The following VPS50 variants were observed in gnomAD, a reference collection of about 807,000 sequenced individuals.
VPS50 encodes VPS50 subunit of EARP/GARPII complex.
VPS50 carries 70 observed loss-of-function variants against 139.7 expected under a neutral mutation model. That is an observed-to-expected ratio of 0.50 (90% CI 0.41 to 0.61). The LOEUF is 0.61. Ranked by LOEUF, VPS50 falls within the 20% of genes least tolerant of loss-of-function variation. VPS50 has a pLI of 0.00. For synonymous variants in VPS50, 365 were observed against 376.7 expected (o/e 0.97, Z 0.36); for missense variants, 921 against 1,133.7 (o/e 0.81, Z 2.69).
At chr7:93,342,381 GGC>G (rs1276133790) in intron 23 of VPS50, among the ~76,000 whole-genome samples, 2 of 152,318 alleles carry the variant, frequency 1.3e-5, no homozygotes, top group East Asian at 3.9e-4. Flanking sequence ...CAAACTGCAA[GGC>G]GGCAGTGACG....
At position 93,358,658 on chromosome 7, in the gene VPS50, A is replaced by T. The variant is rs985628865; in HGVS notation, c.*222A>T. On this transcript the variant is annotated 3_prime_UTR_variant, in exon 28 of 28. Coordinates refer to ENST00000305866, the MANE Select transcript of VPS50 (RefSeq NM_017667.4). The stretch of plus-strand genomic sequence containing the variant: ...GTCTCATTTGTTGTAATCTGAAATG[A>T]TGTTGCCGCCTTGTCATAACAATGG... 4.9e-6 allele frequency: 2 copies of T among 408,178 alleles called. No homozygotes were observed. Among genetic ancestry groups the T allele is most frequent in the Non-Finnish European group, 9.0e-6 (2 of 222,478 alleles). 25.3% of individuals were successfully genotyped at this position (408,178 alleles called of 1,614,324 possible).
At chr7:93,344,983 G>C (rs982847870) in intron 23 of VPS50, among the ~76,000 whole-genome samples, 137 of 152,092 alleles carry the variant, frequency 9.0e-4, no homozygotes, top group African/African-American at 2.8e-3. Context: ...AAAATCAGAG[G>C]AGAACTGAAG....
At chr7:93,254,630 C>T (rs903345665) in intron 4 of VPS50, among the ~76,000 whole-genome samples, 2 of 152,154 alleles carry the variant, frequency 1.3e-5, no homozygotes. Flanking sequence ...GAATTGTAGT[C>T]ACTAATTATG....
intron 23 of VPS50, among the ~76,000 whole-genome samples, chr7:93,344,282 A>C (rs1026607609): frequency 2.6e-5 from 4 of 152,232 alleles, no homozygotes; most frequent in Non-Finnish European, 2.9e-5. Flanking sequence ...AAAGCTAACT[A>C]TCCTAAATAT....
In VPS50 at chr7:93,266,315, C is replaced by T. The variant is rs143883860; in HGVS notation, c.660-4905C>T. On this transcript the variant is annotated intron_variant, in intron 9 of 27. Coordinates refer to ENST00000305866, the MANE Select transcript of VPS50 (RefSeq NM_017667.4). ...GAAGCAACCCTTTCTATCTGGCCCA[C>T]CTTTATGTAGGAAACTGATGCCCAG... is the stretch of plus-strand genomic sequence containing the variant. 1.7e-4 allele frequency among the ~76,000 whole-genome samples: 26 copies of T among 152,240 alleles called. No homozygotes were observed. In the East Asian group the frequency reaches 5.0e-3, roughly 29 times the overall value.
intron 27 of VPS50, among the ~76,000 whole-genome samples, chr7:93,357,603 A>G (rs1798742617): frequency 6.6e-6 from 1 of 152,158 alleles, no homozygotes. Context: ...TACCTTCAAT[A>G]AAGACACATT....
At chr7:93,296,950 T>C (rs1368820632) in intron 15 of VPS50, 114 bp downstream of exon 15, 3 of 1,434,380 alleles carry the variant, frequency 2.1e-6, no homozygotes, top group Non-Finnish European at 2.7e-6. Flanking sequence ...TAATTTTTGC[T>C]GCTAAGTTTG....
At chr7:93,297,568 G>A (rs982168189) in intron 16 of VPS50, among the ~76,000 whole-genome samples, 3 of 152,098 alleles carry the variant, frequency 2.0e-5, no homozygotes, top group Non-Finnish European at 4.4e-5. Flanking sequence ...ATATGGGTGT[G>A]CTTATAAGGA....
chr7:93,335,303 C>T (rs1022146767), intron 22 of VPS50, among the ~76,000 whole-genome samples: 18 of 152,200 alleles, frequency 1.2e-4, no homozygotes, highest in African/African-American at 4.1e-4. Context: ...CTCAGGTGAG[C>T]GCTGTTTGGG....
chr7:93,232,577 G>C, intron 1 of VPS50, 77 bp downstream of exon 1: 1 of 1,270,098 alleles, frequency 7.9e-7, no homozygotes, highest in Non-Finnish European at 1.1e-6. Flanking sequence ...TCCCCAACCA[G>C]TGGCGGGCGG....
At chr7:93,344,170 G>T (rs1466312568) in intron 23 of VPS50, among the ~76,000 whole-genome samples, 1 of 151,920 alleles carries the variant, frequency 6.6e-6, no homozygotes, top group African/African-American at 2.4e-5. Context: ...AAAAGGCAGG[G>T]GTTGCAATCC....
At chr7:93,256,474 T>C (rs766362544) in intron 4 of VPS50, 35 bp from the exon 5 acceptor site, 1 of 1,049,720 alleles carries the variant, frequency 9.5e-7, no homozygotes, top group Non-Finnish European at 1.4e-6. Context: ...AAGTTTGTTC[T>C]TTTATTTCCT....
intron 10 of VPS50, among the ~76,000 whole-genome samples, 183 bp downstream of exon 10, chr7:93,271,445 T>G (rs1362714055): frequency 6.6e-6 from 1 of 151,770 alleles, no homozygotes; most frequent in Non-Finnish European, 1.5e-5. Flanking sequence ...ACTTGTAAAT[T>G]ATGGGATCTC....
chr7:93,318,672 C>T (rs566824197), intron 20 of VPS50, among the ~76,000 whole-genome samples: 6 of 152,124 alleles, frequency 3.9e-5, no homozygotes, highest in Non-Finnish European at 8.8e-5. Flanking sequence ...TTTGTAGGAA[C>T]CCAATAGATG....
Position 93,293,486 on chromosome 7 carries a change from T to A in VPS50, c.1076-1059T>A, listed in dbSNP as rs567201183. ...GCCTAATCTGTATATTTTATGGATATTCAAGTGCTCAAGCTGTCAGCTGAT... is the reference window on the plus strand; with the variant it reads ...GCCTAATCTGTATATTTTATGGATAATCAAGTGCTCAAGCTGTCAGCTGAT... On this transcript the variant is annotated intron_variant, in intron 13 of 27. Transcript: ENST00000305866. 3.3e-5 allele frequency among the ~76,000 whole-genome samples: 5 copies of A among 152,302 alleles called. No homozygotes were observed. In the South Asian group the frequency reaches 1.0e-3, roughly 32 times the overall value.
At chr7:93,258,541 T>G in intron 8 of VPS50, 149 bp downstream of exon 8, 1 of 633,160 alleles carries the variant, frequency 1.6e-6, no homozygotes, top group African/African-American at 1.9e-5. Flanking sequence ...CAAAGATTCT[T>G]GCTCTGGAGC....
intron 12 of VPS50, among the ~76,000 whole-genome samples, chr7:93,280,830 G>A (rs890757096): frequency 2.0e-5 from 3 of 151,744 alleles, no homozygotes; most frequent in Admixed American, 1.3e-4. Context: ...TGAGCTTTGA[G>A]TTCTGTTTTT....
At chr7:93,252,858 C>A in intron 3 of VPS50, 83 bp downstream of exon 3, 1 of 1,101,312 alleles carries the variant, frequency 9.1e-7, no homozygotes, top group South Asian at 1.6e-5. Context: ...TTTTTTGAGG[C>A]ATTTATGTAT....
At chr7:93,337,663 T>A (rs1798102325) in intron 22 of VPS50, among the ~76,000 whole-genome samples, 1 of 152,216 alleles carries the variant, frequency 6.6e-6, no homozygotes. Flanking sequence ...AGATTTAGCT[T>A]AATTATACAA....
Sources: allele counts gnomAD v4.1 joint callset (sites outside exome capture counted in the v4.1 genomes callset), GRCh38; gene constraint gnomAD v4.1.1; transcripts MANE v1.5; gene names NCBI Gene and HGNC (gene_info 2026-07-23, HGNC 2026-07-21).